Variants in RAD51B observed in about 807,000 individuals in gnomAD.
The protein encoded by RAD51B is DNA repair protein RAD51 homolog 2.
A neutral mutation model predicts 42.2 loss-of-function variants in RAD51B; 38 were observed. That is an observed-to-expected ratio of 0.90 (90% CI 0.70 to 1.18). The LOEUF (loss-of-function observed/expected upper bound fraction) is 1.18, where lower values mean the gene tolerates loss of function less well. Among genes scored for constraint, RAD51B ranks in the 50% most tolerant of loss-of-function variants. The probability of loss-of-function intolerance (pLI) is 0.00; values close to 1 mark genes in which losing one functional copy is unlikely to be tolerated. For missense variants in RAD51B, 373 were observed against 400.7 expected (o/e 0.93, Z 0.59); for synonymous variants, 154 against 145.2 (o/e 1.06, Z -0.43).
chr14:68,493,605 G>A (rs1354474123), intron 10 of RAD51B, among the ~76,000 whole-genome samples: 5 of 152,308 alleles, frequency 3.3e-5, no homozygotes, highest in South Asian at 4.1e-4. Flanking sequence ...AGTGTCACGC[G>A]TCAGCTATTT....
chr14:68,549,616 G>A (rs377711474), intron 10 of RAD51B, among the ~76,000 whole-genome samples: 45 of 150,592 alleles, frequency 3.0e-4, no homozygotes, highest in South Asian at 1.5e-3. Flanking sequence ...GGGTTTCACC[G>A]TGTTAGCCAG....
chr14:68,585,027 A>G (rs1890389862), intron 10 of RAD51B, among the ~76,000 whole-genome samples: 1 of 152,178 alleles, frequency 6.6e-6, no homozygotes, highest in African/African-American at 2.4e-5. Context: ...GCCTCTCTAC[A>G]TAGAAGTCTG....
At chr14:68,097,245 A>G (rs1308175831) in intron 7 of RAD51B, among the ~76,000 whole-genome samples, 1 of 152,082 alleles carries the variant, frequency 6.6e-6, no homozygotes, top group South Asian at 2.1e-4. Context: ...TGTAAATTTC[A>G]TAATTTTTAT....
At chr14:68,356,434 CAAA>C (rs55768026) in intron 8 of RAD51B, among the ~76,000 whole-genome samples, 1,192 of 106,350 alleles carry the variant, frequency 0.011, 8 homozygotes, top group African/African-American at 0.029. Context: ...GACTCCGTCT[CAAA>C]AAAAAAAAAA....
intron 8 of RAD51B, among the ~76,000 whole-genome samples, chr14:68,353,465 G>A (rs2082831936): frequency 6.6e-6 from 1 of 152,200 alleles, no homozygotes; most frequent in South Asian, 2.1e-4. Flanking sequence ...CTTGTGGGAA[G>A]TGCTGGAATA....
intron 7 of RAD51B, among the ~76,000 whole-genome samples, chr14:68,075,679 A>G (rs2076821607): frequency 6.6e-6 from 1 of 152,202 alleles, no homozygotes; most frequent in African/African-American, 2.4e-5. Flanking sequence ...CCCCTGGGAA[A>G]TACAGAGCCA....
chr14:68,479,688 T>TTTTTTTTG (rs34627518), downstream of RAD51B, among the ~76,000 whole-genome samples: 2 of 137,014 alleles, frequency 1.5e-5, 1 homozygote, highest in African/African-American at 5.7e-5. Context: ...TTTTTTTTTT[T>TTTTTTTTG]GCCAGAGTCT....
In RAD51B at chr14:67,912,948, C is replaced by T. The variant is rs144108489; in HGVS notation, c.756+25744C>T. ...CTCGAACTCCTGACCTTGTAATCTG[C>T]CCGACTTGGCCTCCCAAAGTGCTGG... On this transcript the variant is annotated intron_variant, in intron 7 of 10. Transcript: ENST00000471583. Among the ~76,000 whole-genome samples the T allele has an allele frequency of 8.0e-3, 1,224 of 152,252 alleles. 15 individuals carry two copies. The highest frequency in any genetic ancestry group is 0.028 in the African/African-American group (1,148 of 41,542).
chr14:67,826,922 A>G (rs137947128), intron 3 of RAD51B, among the ~76,000 whole-genome samples: 21 of 152,134 alleles, frequency 1.4e-4, no homozygotes, highest in African/African-American at 4.6e-4. Context: ...AGCTCAAGTG[A>G]TCCTCCCGCC....
rs371253824 is a variant in RAD51B at position 68,215,541 on chromosome 14, A to T, written c.757-76343A>T. Among the ~76,000 whole-genome samples, 3 of 152,198 alleles carry T rather than the reference A, an allele frequency of 2.0e-5. No homozygotes were observed. The East Asian group carries it at 5.8e-4, about 29-fold the overall frequency. Reference sequence around the variant, plus strand: ...TAGGTGCTATTATCCCCATTTTGAGATGAGGAAACTGTGGCTCAAAGTGTT... The same window carrying T: ...TAGGTGCTATTATCCCCATTTTGAGTTGAGGAAACTGTGGCTCAAAGTGTT... On this transcript the variant is annotated intron_variant, in intron 7 of 10. Coordinates refer to ENST00000471583, the MANE Select transcript of RAD51B (RefSeq NM_133510.4).
chr14:68,372,280 T>C (rs2083280821), intron 8 of RAD51B, among the ~76,000 whole-genome samples: 2 of 152,108 alleles, frequency 1.3e-5, no homozygotes, highest in African/African-American at 2.4e-5. Context: ...ACAAAGAGCA[T>C]GTTCAATTCT....
chr14:68,098,661 A>G (rs1041977693), intron 7 of RAD51B, among the ~76,000 whole-genome samples: 6 of 152,316 alleles, frequency 3.9e-5, no homozygotes, highest in East Asian at 1.9e-4. Flanking sequence ...AACTGCCCCA[A>G]TGGATTCAGA....
At chr14:67,974,709 T>C (rs999298031) in intron 7 of RAD51B, among the ~76,000 whole-genome samples, 1 of 152,162 alleles carries the variant, frequency 6.6e-6, no homozygotes, top group African/African-American at 2.4e-5. Flanking sequence ...CTTAGGAATA[T>C]AAATTGTTTA....
chr14:68,195,336 CA>C (rs2079347243), intron 7 of RAD51B, among the ~76,000 whole-genome samples: 1 of 152,136 alleles, frequency 6.6e-6, no homozygotes, highest in Admixed American at 6.5e-5. Context: ...TCAGTCCTTT[CA>C]AATGCCTGCC....
At position 67,914,731 on chromosome 14, in the gene RAD51B, G is replaced by C. The variant is rs545378900; in HGVS notation, c.756+27527G>C. Among the ~76,000 whole-genome samples, 12 of 152,210 alleles carry C rather than the reference G, an allele frequency of 7.9e-5. No individual in the cohort carries two copies. In the South Asian group the frequency reaches 2.5e-3, roughly 32 times the overall value. ...TTGGTGTTTGTATGTTTACCTCCTT[G>C]TCAGAGTTTATTTGTAACACCCAAA... On this transcript the variant is annotated intron_variant, in intron 7 of 10. Coordinates refer to ENST00000471583, the MANE Select transcript of RAD51B (RefSeq NM_133510.4).
At chr14:68,052,333 T>C (rs2076406048) in intron 7 of RAD51B, among the ~76,000 whole-genome samples, 1 of 152,146 alleles carries the variant, frequency 6.6e-6, no homozygotes, top group Admixed American at 6.5e-5. Flanking sequence ...ACAAATGCTG[T>C]GTCAGGCACT....
At chr14:67,925,412 A>G (rs183400109) in intron 7 of RAD51B, among the ~76,000 whole-genome samples, 3 of 152,204 alleles carry the variant, frequency 2.0e-5, no homozygotes, top group African/African-American at 4.8e-5. Context: ...AGCCGGGACT[A>G]CAGGTGCCTG....
chr14:68,548,477 G>A (rs1442914374), intron 10 of RAD51B, among the ~76,000 whole-genome samples: 1 of 152,236 alleles, frequency 6.6e-6, no homozygotes, highest in Non-Finnish European at 1.5e-5. Flanking sequence ...GGTTGTGGGG[G>A]AGGACGGCAG....
At chr14:68,245,401 C>G (rs1477974189) in intron 7 of RAD51B, among the ~76,000 whole-genome samples, 1 of 152,046 alleles carries the variant, frequency 6.6e-6, no homozygotes, top group Non-Finnish European at 1.5e-5. Context: ...TACTGGAAAC[C>G]CATCACTTAG....
Sources: allele counts gnomAD v4.1 joint callset (sites outside exome capture counted in the v4.1 genomes callset), GRCh38; gene constraint gnomAD v4.1.1; transcripts MANE v1.5; gene names NCBI Gene and HGNC (gene_info 2026-07-23, HGNC 2026-07-21).